AGFG1: variants seen among roughly 807,000 people sequenced by gnomAD.
The protein encoded by AGFG1 is arf-GAP domain and FG repeat-containing protein 1.
Under a neutral mutation model 60.6 loss-of-function variants are expected in AGFG1, and 10 were observed. That is an observed-to-expected ratio of 0.16 (90% CI 0.10 to 0.28). The LOEUF (loss-of-function observed/expected upper bound fraction) is 0.28. Ranked by LOEUF, AGFG1 falls within the 10% of genes least tolerant of loss-of-function variation. The probability of loss-of-function intolerance (pLI) is 1.00; values close to 1 mark genes in which losing one functional copy is unlikely to be tolerated. For synonymous variants in AGFG1, 247 were observed against 242.9 expected (o/e 1.02, Z -0.16); for missense variants, 537 against 676.5 (o/e 0.79, Z 2.29).
intron 11 of AGFG1, among the ~76,000 whole-genome samples, chr2:227,552,903 G>A (rs975197652): frequency 2.0e-5 from 3 of 150,218 alleles, no homozygotes; most frequent in East Asian, 2.0e-4. Flanking sequence ...CAGGAAGGCC[G>A]AGGCAGGAGA....
intron 6 of AGFG1, 56 bp from the exon 7 acceptor site, chr2:227,533,491 ATG>A: frequency 4.3e-6 from 6 of 1,408,014 alleles, no homozygotes; most frequent in Non-Finnish European, 6.0e-6. Context: ...CATACAGTCT[ATG>A]AGAGGGTACT....
rs750770019 is a variant in AGFG1, at chr2:227,505,499, A to AT, written c.261+13866dup. Among the ~76,000 whole-genome samples, 18 of 151,874 alleles carry AT rather than the reference A, an allele frequency of 1.2e-4. 1 individual carries two copies. The highest frequency in any genetic ancestry group is 9.2e-4 in the Admixed American group (14 of 15,258). ...GTTCTGCAGTTTCCAGAGGCTCTTA[A>AT]TTTTTTTCCCTCCATCTTTTTACTT... On this transcript the variant is annotated intron_variant, in intron 2 of 12. Coordinates refer to ENST00000310078, the MANE Select transcript of AGFG1 (RefSeq NM_004504.5).
chr2:227,528,279 C>CT (rs1692055924), intron 5 of AGFG1, among the ~76,000 whole-genome samples: 1 of 152,062 alleles, frequency 6.6e-6, no homozygotes, highest in African/African-American at 2.4e-5. Flanking sequence ...ACATGGATCT[C>CT]TTTTTTCAGG....
In AGFG1 at chr2:227,556,104, G is replaced by A. The variant is rs1312416525; in HGVS notation, c.*1609G>A. On this transcript the variant is annotated 3_prime_UTR_variant, in exon 13 of 13. Coordinates refer to ENST00000310078, the MANE Select transcript of AGFG1 (RefSeq NM_004504.5). ...TTATGCCTCTAGGTAATTAAGTAAA[G>A]GTGAAATTGCATACACAGATATGTA... 2.6e-5 allele frequency: 4 copies of A among 152,050 alleles called. No individual in the cohort carries two copies. Among genetic ancestry groups the A allele is most frequent in the African/African-American group, 9.7e-5 (4 of 41,416 alleles). 9.4% of individuals were successfully genotyped at this position (152,050 alleles called of 1,614,324 possible).
intron 1 of AGFG1, among the ~76,000 whole-genome samples, chr2:227,473,028 A>G (rs1690157587): frequency 1.5e-5 from 2 of 131,384 alleles, no homozygotes; most frequent in African/African-American, 5.7e-5. Context: ...CCCGCCTCTC[A>G]GCGGCCCGGG....
chr2:227,484,677 G>GTTTTTTTTGTTTTTTT (rs1690566267), intron 1 of AGFG1, among the ~76,000 whole-genome samples: 2 of 115,908 alleles, frequency 1.7e-5, no homozygotes, highest in Non-Finnish European at 3.5e-5. Context: ...AGATCTCTTA[G>GTTTTTTTTGTTTTTTT]TTTTTTTTTT....
chr2:227,518,080 G>A (rs1334205316), intron 2 of AGFG1, among the ~76,000 whole-genome samples: 2 of 152,176 alleles, frequency 1.3e-5, no homozygotes, highest in Non-Finnish European at 2.9e-5. Context: ...GTGGGGGGGT[G>A]CACATGTTTC....
rs1303732577 is a variant in AGFG1, at chr2:227,524,844, T to C, written c.623T>C (p.Phe208Ser). The C allele has an allele frequency of 6.2e-7, 1 of 1,614,062 alleles. No homozygotes were observed. The highest frequency in any genetic ancestry group is 8.5e-7 in the Non-Finnish European group (1 of 1,180,002). ...TTAAGTGATCTCGGCTCAGACATCT[T>C]TGCTGCTCCAGCTCCTCAGTCAACA... ...DLLSDLGSDI[F>S]AAPAPQSTAT... The change falls in exon 5 of 13, where the codon TTT becomes TCT. Residue 208 changes from phenylalanine (F) to serine (S), a missense_variant. Transcript: ENST00000310078.
chr2:227,531,031 A>T, intron 5 of AGFG1, 60 bp from the exon 6 acceptor site: 1 of 1,439,162 alleles, frequency 6.9e-7, no homozygotes, highest in South Asian at 1.4e-5. Context: ...CTCATGTGTC[A>T]TGTATTTTCA....
At chr2:227,508,591 C>A (rs1296326331) in intron 2 of AGFG1, 1 of 469,712 alleles carries the variant, frequency 2.1e-6, no homozygotes, top group African/African-American at 2.0e-5. Context: ...TGAAACCTTG[C>A]ATATCAGATT....
intron 2 of AGFG1, among the ~76,000 whole-genome samples, chr2:227,511,625 T>C (rs1691500213): frequency 6.6e-6 from 1 of 152,170 alleles, no homozygotes; most frequent in African/African-American, 2.4e-5. Context: ...TCAGTGTGTA[T>C]ATTTTAGATG....
intron 2 of AGFG1, among the ~76,000 whole-genome samples, chr2:227,517,344 C>T (rs1316331456): frequency 6.6e-6 from 1 of 152,228 alleles, no homozygotes; most frequent in Non-Finnish European, 1.5e-5. Context: ...CGGCTCACTG[C>T]AACCTCTGAC....
chr2:227,500,559 G>C (rs1263236459), intron 2 of AGFG1, among the ~76,000 whole-genome samples: 1 of 152,124 alleles, frequency 6.6e-6, no homozygotes, highest in Non-Finnish European at 1.5e-5. Context: ...ACAATGGCCA[G>C]ATCTGCCTGT....
intron 1 of AGFG1, among the ~76,000 whole-genome samples, chr2:227,488,587 G>A (rs1690707176): frequency 6.6e-6 from 1 of 152,230 alleles, no homozygotes; most frequent in Non-Finnish European, 1.5e-5. Context: ...GAGAGACAAA[G>A]TTGCAAAGTG....
intron 1 of AGFG1, among the ~76,000 whole-genome samples, chr2:227,491,019 A>G (rs1377838524): frequency 6.6e-6 from 1 of 152,152 alleles, no homozygotes; most frequent in East Asian, 1.9e-4. Context: ...ACTTGAATTG[A>G]TGGCAAGATA....
chr2:227,532,291 G>A, intron 6 of AGFG1: 1 of 1,043,968 alleles, frequency 9.6e-7, no homozygotes, highest in Non-Finnish European at 1.4e-6. Context: ...GTTATAGATT[G>A]TTAATAATTC....
rs539095995 is a variant in AGFG1, at chr2:227,544,666, C to G, written c.1379-7293C>G. Among the ~76,000 whole-genome samples, 3 of 152,312 alleles carry G rather than the reference C, an allele frequency of 2.0e-5. No individual in the cohort carries two copies. In the East Asian group the frequency reaches 5.8e-4, roughly 29 times the overall value. On this transcript the variant is annotated intron_variant, in intron 10 of 12. Coordinates refer to ENST00000310078, the MANE Select transcript of AGFG1 (RefSeq NM_004504.5). Reference sequence around the variant, plus strand: ...AAGGCAGGCCTGGTGGTGACAGAATCTCTCAGCATTTGCTTGTCTGTAAAG... The same window carrying G: ...AAGGCAGGCCTGGTGGTGACAGAATGTCTCAGCATTTGCTTGTCTGTAAAG...
Position 227,531,081 on chromosome 2 carries a change from C to G in AGFG1, c.695-10C>G, listed in dbSNP as rs200923404. On this transcript the variant is annotated splice_polypyrimidine_tract_variant and intron_variant, in intron 5 of 12. Transcript: ENST00000310078. ...ATTCATTAACATATGTTGTTCCTTA[C>G]CATTTACAGCTCAGAATTCTGCAAA... 5.6e-5 allele frequency: 90 copies of G among 1,607,468 alleles called. No homozygotes were observed. Among genetic ancestry groups the G allele is most frequent in the Admixed American group, 3.4e-4 (20 of 59,340 alleles).
intron 2 of AGFG1, among the ~76,000 whole-genome samples, chr2:227,499,238 C>T (rs902078999): frequency 6.6e-6 from 1 of 151,952 alleles, no homozygotes; most frequent in Non-Finnish European, 1.5e-5. Flanking sequence ...TCATCAGTAT[C>T]TTACTTTTCT....
Sources: allele counts gnomAD v4.1 joint callset (sites outside exome capture counted in the v4.1 genomes callset), GRCh38; gene constraint gnomAD v4.1.1; transcripts MANE v1.5; gene names NCBI Gene and HGNC (gene_info 2026-07-23, HGNC 2026-07-21).